The following RAB18 variants were observed in gnomAD, a reference collection of about 807,000 sequenced individuals.
The protein encoded by RAB18 is RAB18, member RAS oncogene family, also known as ras-related protein Rab-18.
In RAB18, 10 loss-of-function variants were observed where a neutral mutation model predicts 28.5. The observed-to-expected ratio is 0.35, with a 90% confidence interval of 0.22 to 0.60. The LOEUF is 0.60. Among genes scored for constraint, RAB18 ranks in the 20% least tolerant of loss-of-function variants. The probability of loss-of-function intolerance (pLI) is 0.78; values close to 1 mark genes in which losing one functional copy is unlikely to be tolerated. For missense variants in RAB18, 188 were observed against 244.2 expected (o/e 0.77, Z 1.53); for synonymous variants, 93 against 86.9 (o/e 1.07, Z -0.39).
At chr10:27,508,937 A>G (rs1384251386) in intron 1 of RAB18, among the ~76,000 whole-genome samples, 1 of 152,212 alleles carries the variant, frequency 6.6e-6, no homozygotes, top group African/African-American at 2.4e-5. Context: ...AGAAGTTAAC[A>G]TGAGGGAAGA....
At chr10:27,505,312 G>T in intron 1 of RAB18, 1 of 373,956 alleles carries the variant, frequency 2.7e-6, no homozygotes, top group South Asian at 2.0e-5. Flanking sequence ...GTTCAAGGCC[G>T]TCCTGATCCT....
At chr10:27,523,049 T>TA (rs1834593483) in intron 2 of RAB18, among the ~76,000 whole-genome samples, 1 of 152,076 alleles carries the variant, frequency 6.6e-6, no homozygotes, top group Non-Finnish European at 1.5e-5. Flanking sequence ...GGATTTAATT[T>TA]GCTGCTTTTT....
chr10:27,506,755 A>G (rs571707022), intron 1 of RAB18, among the ~76,000 whole-genome samples: 4 of 152,202 alleles, frequency 2.6e-5, no homozygotes, highest in African/African-American at 4.8e-5. Flanking sequence ...ATGACACCCA[A>G]CCGAGGTTCT....
Position 27,538,007 on chromosome 10 carries a change from G to C in RAB18, c.577G>C (p.Gly193Arg). 1 of 1,614,132 alleles carries C rather than the reference G, an allele frequency of 6.2e-7. No homozygotes were observed. Among genetic ancestry groups the C allele is most frequent in the South Asian group, 1.1e-5 (1 of 91,084 alleles). ...KGVKLSHREEGQGGGACGGYC... is the reference protein window; with the variant it reads ...KGVKLSHREERQGGGACGGYC... ...AGTCAAACTGTCACACAGGGAAGAA[G>C]GCCAAGGAGGAGGAGCCTGTGGTGG... Residue 193 changes from glycine (G) to arginine (R), a missense_variant, in exon 7 of 7, where the codon GGC becomes CGC. By Grantham distance (125) the Gly-to-Arg change is moderately radical (BLOSUM62 -2). Transcript: ENST00000356940.
intron 3 of RAB18, among the ~76,000 whole-genome samples, chr10:27,531,842 T>A (rs1172292972): frequency 2.0e-5 from 3 of 151,900 alleles, no homozygotes; most frequent in African/African-American, 7.3e-5. Context: ...CAAGAATTGG[T>A]CTCAGCACAA....
chr10:27,505,111 A>G (rs748714121), intron 1 of RAB18: 13 of 533,476 alleles, frequency 2.4e-5, no homozygotes, highest in South Asian at 1.5e-4. Context: ...CATCCTGTGG[A>G]GACAGAAGAT....
chr10:27,504,368 G>A lies in RAB18; in HGVS notation c.-2G>A. On this transcript the variant is annotated 5_prime_UTR_variant, in exon 1 of 7. Coordinates refer to ENST00000356940, the MANE Select transcript of RAB18 (RefSeq NM_021252.5). Reference sequence around the variant, plus strand: ...CTGGGCTCGGAGCGGAACGGGGTCAGGATGGACGAGGACGTGCTAACCACC... The same window carrying A: ...CTGGGCTCGGAGCGGAACGGGGTCAAGATGGACGAGGACGTGCTAACCACC... 6.4e-7 allele frequency: 1 copy of A among 1,573,720 alleles called. No individual in the cohort carries two copies. The highest frequency in any genetic ancestry group is 8.6e-7 in the Non-Finnish European group (1 of 1,160,094).
intron 3 of RAB18, among the ~76,000 whole-genome samples, chr10:27,528,716 G>A (rs899217320): frequency 6.6e-6 from 1 of 151,966 alleles, no homozygotes; most frequent in African/African-American, 2.4e-5. Flanking sequence ...TGATTTATAC[G>A]TCTGTGTGTA....
Position 27,538,563 on chromosome 10 carries a change from A to G in RAB18, c.*512A>G, listed in dbSNP as rs746481806. 1 of 454,520 alleles carries G rather than the reference A, an allele frequency of 2.2e-6. No individual in the cohort carries two copies. The highest frequency in any genetic ancestry group is 2.3e-5 in the Admixed American group (1 of 42,572). The allele number at this position is 454,520 out of a possible 1,614,324, so 28.2% of individuals were successfully genotyped here. ...TTTTTTAGTACTAAGCAAAATTCTCATCACAGAATGTAGCCCAGGCCAATT... is the reference window on the plus strand; with the variant it reads ...TTTTTTAGTACTAAGCAAAATTCTCGTCACAGAATGTAGCCCAGGCCAATT... On this transcript the variant is annotated 3_prime_UTR_variant, in exon 7 of 7. Coordinates refer to ENST00000356940, the MANE Select transcript of RAB18 (RefSeq NM_021252.5).
chr10:27,523,115 A>G (rs1834594643), intron 2 of RAB18, among the ~76,000 whole-genome samples: 1 of 151,962 alleles, frequency 6.6e-6, no homozygotes, highest in African/African-American at 2.4e-5. Context: ...TGTCTTTTCT[A>G]ATATGGGTGT....
rs574683856 is a variant in RAB18, at chr10:27,539,185, T to C, written c.*1134T>C. 1 of 340,130 alleles carries C rather than the reference T, an allele frequency of 2.9e-6. No individual in the cohort carries two copies. The highest frequency in any genetic ancestry group is 5.7e-6 in the Non-Finnish European group (1 of 174,978). The allele number at this position is 340,130 out of a possible 1,614,324, so 21.1% of individuals were successfully genotyped here. ...TATTCAGTTTTCTCACCTCTTGCTA[T>C]TGTATATTGTAGATTTTTTTCATTC... On this transcript the variant is annotated 3_prime_UTR_variant, in exon 7 of 7. Transcript: ENST00000356940.
At chr10:27,524,209 C>T (rs1443070371) in intron 2 of RAB18, among the ~76,000 whole-genome samples, 6 of 152,200 alleles carry the variant, frequency 3.9e-5, no homozygotes, top group African/African-American at 1.4e-4. Context: ...GAATTACAGG[C>T]GTGAGCCACT....
intron 2 of RAB18, among the ~76,000 whole-genome samples, chr10:27,512,994 A>C (rs189031548): frequency 1.3e-4 from 20 of 150,322 alleles, no homozygotes; most frequent in African/African-American, 4.9e-4. Context: ...GCATCAGATT[A>C]CTTTCAGCCT....
At chr10:27,506,808 T>C (rs1704676381) in intron 1 of RAB18, among the ~76,000 whole-genome samples, 1 of 152,138 alleles carries the variant, frequency 6.6e-6, no homozygotes, top group Admixed American at 6.5e-5. Context: ...TCAGTCTCCC[T>C]AGTTCATGCC....
chr10:27,529,743 A>G (rs552411981), intron 3 of RAB18, among the ~76,000 whole-genome samples: 2 of 152,138 alleles, frequency 1.3e-5, no homozygotes, highest in South Asian at 4.1e-4. Flanking sequence ...CCTGTTTTGA[A>G]AACAAACACA....
intron 3 of RAB18, among the ~76,000 whole-genome samples, chr10:27,532,126 A>T (rs1195652820): frequency 5.6e-5 from 7 of 124,742 alleles, no homozygotes; most frequent in Non-Finnish European, 1.1e-4. Flanking sequence ...GGTAAGATTT[A>T]AAAAAAAAAA....
chr10:27,530,290 A>G (rs1238415960), intron 3 of RAB18, among the ~76,000 whole-genome samples: 1 of 152,044 alleles, frequency 6.6e-6, no homozygotes, highest in Non-Finnish European at 1.5e-5. Context: ...TGTATGGAAA[A>G]ATAGCTGCTT....
At chr10:27,519,999 GGAATT>G (rs1361678510) in intron 2 of RAB18, among the ~76,000 whole-genome samples, 1 of 152,090 alleles carries the variant, frequency 6.6e-6, no homozygotes, top group Non-Finnish European at 1.5e-5. Context: ...ATCATGAAAG[GGAATT>G]GAATTTTGTC....
At chr10:27,505,305 C>T (rs1837795011) in intron 1 of RAB18, 1 of 386,346 alleles carries the variant, frequency 2.6e-6, no homozygotes, top group African/African-American at 2.1e-5. Flanking sequence ...AGGTTATGTT[C>T]AAGGCCGTCC....
Sources: gnomAD v4.1 joint callset for allele counts (sites outside exome capture counted in the v4.1 genomes callset) on GRCh38, gnomAD v4.1.1 for gene constraint, MANE v1.5 for transcripts, NCBI Gene and HGNC (gene_info 2026-07-23, HGNC 2026-07-21) for gene names.